CNOT3: variants seen among roughly 807,000 people sequenced by gnomAD.
CNOT3 encodes CCR4-associated factor 3.
A neutral mutation model predicts 89.4 loss-of-function variants in CNOT3; 2 were observed. The observed-to-expected ratio is 0.02, with a 90% CI of 0.01 to 0.07. The LOEUF is 0.07. CNOT3 is among the 10% of genes least tolerant of loss of function. The pLI, the probability that CNOT3 is intolerant of heterozygous loss-of-function variation, is 1.00. For missense variants in CNOT3, 664 were observed against 1,010.2 expected, an observed-to-expected ratio of 0.66 and a Z score of 4.65; for synonymous variants, 486 against 402.0, an observed-to-expected ratio of 1.21 and a Z score of -2.50.
rs1205685627 is a variant in CNOT3 at position 54,146,643 on chromosome 19, A to T, written c.880A>T (p.Ser294Cys). Residue 294 changes from serine (S) to cysteine (C), a missense_variant, in exon 10 of 18, where the codon AGT (serine) becomes TGT (cysteine). By Grantham distance (112) the Ser-to-Cys change is moderately radical. This residue lies in a region of CNOT3 where 545 missense variants were observed against 566.2 expected (regional missense o/e 0.96). Transcript: ENST00000221232. ...TAAGAAGAGGGGACGTTCCACAGAC[A>T]GTGAAGTCAGCCAGGTGGGTGTGAG... ...DDKKRGRSTDSEVSQSPAKNG... is the reference protein window; with the variant it reads ...DDKKRGRSTDCEVSQSPAKNG... 13 of 1,562,792 alleles carry T rather than the reference A, an allele frequency of 8.3e-6. No homozygotes were observed. The highest frequency in any genetic ancestry group is 1.8e-6 in the Non-Finnish European group (2 of 1,133,382).
At chr19:54,154,794 T>TC (rs2075324691) in intron 17 of CNOT3, 1 of 153,876 alleles carries the variant, frequency 6.5e-6, no homozygotes, top group South Asian at 2.0e-4. Flanking sequence ...CCCAAAACCA[T>TC]CCTCCAAGTT....
rs2074948725 is a variant in CNOT3, at chr19:54,149,706, C to G, written c.1553C>G (p.Ala518Gly). The change falls in exon 13 of 18, where the codon GCC becomes GGC. Residue 518 changes from alanine to glycine, a missense_variant. Ala to Gly is a moderately conservative substitution (Grantham distance 60). Coordinates refer to ENST00000221232, the MANE Select transcript of CNOT3 (RefSeq NM_014516.4). Reference protein sequence around the residue: ...PTPSFSDAKAAGALLNGPPQF... With the variant: ...PTPSFSDAKAGGALLNGPPQF... ...CCCAGCTTCAGTGATGCCAAGGCAG[C>G]CGGTGCCCTGCTCAATGGGCCTCCA... 6.2e-7 allele frequency: 1 copy of G among 1,613,860 alleles called. No individual in the cohort carries two copies. The highest frequency in any genetic ancestry group is 1.1e-5 in the South Asian group (1 of 91,036).
intron 13 of CNOT3, among the ~76,000 whole-genome samples, chr19:54,151,073 G>A (rs1207734974): frequency 6.6e-6 from 1 of 152,154 alleles, no homozygotes; most frequent in Non-Finnish European, 1.5e-5. Flanking sequence ...TTACAGGTGT[G>A]AGCCACCGTG....
In CNOT3 at chr19:54,155,393, C is replaced by A. The variant is rs747937784; in HGVS notation, c.2248C>A (p.Arg750=). 1 of 1,607,310 alleles carries A rather than the reference C, an allele frequency of 6.2e-7. No individual in the cohort carries two copies. Among genetic ancestry groups the A allele is most frequent in the South Asian group, 1.1e-5 (1 of 90,312 alleles). The stretch of plus-strand genomic sequence containing the variant: ...CTTTGAGTACCGCTACCTGGAGGAC[C>A]GGGACCTCCAGTGACACCGGCCCCT... ...FTFEYRYLED[R]DLQ The change falls in exon 18 of 18, where the codon CGG becomes AGG. Residue 750 remains arginine, a synonymous_variant. Transcript: ENST00000221232.
rs201172516 is a variant in CNOT3, at chr19:54,148,900, C to A, written c.1406+157C>A. Among the ~76,000 whole-genome samples the A allele has an allele frequency of 6.6e-6, 1 of 152,226 alleles. No homozygotes were observed. Among genetic ancestry groups the A allele is most frequent in the African/African-American group, 2.4e-5 (1 of 41,454 alleles). ...CCATCTCCCTCGGGTGTTACACCCC[C>A]ACTTCTTTCCAGCAAGGAAACTACA... is the stretch of plus-strand genomic sequence containing the variant. On this transcript the variant is annotated intron_variant, in intron 12 of 17. Transcript: ENST00000221232. The surrounding 1 kb of genome is among the most constrained non-coding windows in gnomAD (Gnocchi z 6.3).
chr19:54,152,121 C>T (rs2075149601), intron 13 of CNOT3, 105 bp from the exon 14 acceptor site: 2 of 1,236,046 alleles, frequency 1.6e-6, no homozygotes, highest in Non-Finnish European at 2.3e-6. Flanking sequence ...CGTTGGCCCT[C>T]CACGGCCCCC....
chr19:54,152,127 C>A, intron 13 of CNOT3, 99 bp from the exon 14 acceptor site: 2 of 1,303,662 alleles, frequency 1.5e-6, no homozygotes, highest in Non-Finnish European at 2.2e-6. Flanking sequence ...CCCTCCACGG[C>A]CCCCAAACAG....
Position 54,153,798 on chromosome 19 carries a change from G to A in CNOT3, c.2121G>A (p.Gln707=). Residue 707 remains glutamine, a synonymous_variant, in exon 17 of 18, where the codon CAG becomes CAA. Coordinates refer to ENST00000221232, the MANE Select transcript of CNOT3 (RefSeq NM_014516.4). ...RFHTKYMMWF[Q]RHEEPKTITD... is the part of the protein sequence containing the mutation. Reference sequence around the variant, plus strand: ...ACACCAAGTACATGATGTGGTTCCAGAGGCACGAGGAGCCCAAGACCATCA... The same window carrying A: ...ACACCAAGTACATGATGTGGTTCCAAAGGCACGAGGAGCCCAAGACCATCA... The A allele has an allele frequency of 1.2e-6, 2 of 1,614,204 alleles. No individual in the cohort carries two copies. The highest frequency in any genetic ancestry group is 2.2e-5 in the South Asian group (2 of 91,080).
At chr19:54,139,146 AGGGCGGCCACCCACCCCG>A (rs1455485601) in intron 1 of CNOT3, among the ~76,000 whole-genome samples, 3 of 152,112 alleles carry the variant, frequency 2.0e-5, no homozygotes, top group African/African-American at 7.2e-5. Context: ...CTCTCAGTGC[AGGGCGGCCACCCACCCCG>A]GGGTGAGCTC....
At position 54,148,779 on chromosome 19, in the gene CNOT3, A is replaced by C. The variant is rs1329320993; in HGVS notation, c.1406+36A>C. On this transcript the variant is annotated intron_variant, in intron 12 of 17. Coordinates refer to ENST00000221232, the MANE Select transcript of CNOT3 (RefSeq NM_014516.4). The surrounding 1 kb of genome is among the most constrained non-coding windows in gnomAD (Gnocchi z 6.3). ...CGGCCATCGGCAGGGTTGGGATGGC[A>C]GCCTTTTGAAACAGAGAGGCGCAGG... is the stretch of plus-strand genomic sequence containing the variant. 6.3e-7 allele frequency: 1 copy of C among 1,598,726 alleles called. No individual in the cohort carries two copies. The highest frequency in any genetic ancestry group is 1.3e-5 in the African/African-American group (1 of 74,562).
Position 54,152,437 on chromosome 19 carries a change from T to A in CNOT3, c.1715T>A (p.Leu572Gln). 6.2e-7 allele frequency: 1 copy of A among 1,614,146 alleles called. No homozygotes were observed. The highest frequency in any genetic ancestry group is 8.5e-7 in the Non-Finnish European group (1 of 1,180,002). Residue 572 changes from leucine (L) to glutamine (Q), a missense_variant, in exon 15 of 18, where the codon CTG becomes CAG. Coordinates refer to ENST00000221232, the MANE Select transcript of CNOT3 (RefSeq NM_014516.4). ...TLHLTERDII[L>Q]SSTSAPPASA... ...CCCACCCTCCCCACAGACATCATCCTGAGCAGTACATCAGCACCTCCGGCC... is the reference window on the plus strand; with the variant it reads ...CCCACCCTCCCCACAGACATCATCCAGAGCAGTACATCAGCACCTCCGGCC...
intron 5 of CNOT3, 62 bp downstream of exon 5, chr19:54,143,811 A>G (rs587704101): frequency 1.3e-6 from 2 of 1,560,060 alleles, no homozygotes; most frequent in Admixed American, 3.4e-5. Context: ...TGAGATCCCA[A>G]GGGGCGGAGG....
In CNOT3 at chr19:54,148,966, G is replaced by A. The variant is rs1243400262; in HGVS notation, c.1406+223G>A. Among the ~76,000 whole-genome samples the A allele has an allele frequency of 1.3e-5, 2 of 152,134 alleles. No individual in the cohort carries two copies. Among genetic ancestry groups the A allele is most frequent in the Non-Finnish European group, 2.9e-5 (2 of 68,024 alleles). ...TGCCCTTCAGAACATTCTAAAATAC[G>A]TTCTCATCTAAGTGGAAGTTTTCTC... On this transcript the variant is annotated intron_variant, in intron 12 of 17. Transcript: ENST00000221232. This position sits in a 1 kb window ranked among gnomAD's most constrained non-coding sequence, Gnocchi z 6.3.
chr19:54,148,558 G>C lies in CNOT3; in HGVS notation c.1282+23G>C, dbSNP rs1477425225. 5.1e-6 allele frequency: 8 copies of C among 1,575,646 alleles called. No individual in the cohort carries two copies. The highest frequency in any genetic ancestry group is 1.8e-5 in the Admixed American group (1 of 55,918). ...CCAGTGAGTGAGGAGGCAGCGGGGT[G>C]GGGGGCGTGGGCGGGGCTGGGCAGC... is the stretch of plus-strand genomic sequence containing the variant. On this transcript the variant is annotated intron_variant, in intron 11 of 17. Coordinates refer to ENST00000221232, the MANE Select transcript of CNOT3 (RefSeq NM_014516.4). This position sits in a 1 kb window ranked among gnomAD's most constrained non-coding sequence, Gnocchi z 6.3.
chr19:54,143,350 G>T (rs2074533891), intron 3 of CNOT3, 92 bp from the exon 4 acceptor site: 3 of 1,342,172 alleles, frequency 2.2e-6, no homozygotes, highest in Admixed American at 1.7e-5. Flanking sequence ...GTTGGGGGGG[G>T]TCCTCGAGTC....
rs1421895217 is a variant in CNOT3, at chr19:54,144,857, C to T, written c.483+525C>T. ...TGAGTTCAAAGGGATACAAACTGTA[C>T]AGACTTGCTGAAACCAGAAAGACAG... On this transcript the variant is annotated intron_variant, in intron 7 of 17. Transcript: ENST00000221232. The surrounding 1 kb of genome is among the most constrained non-coding windows in gnomAD (Gnocchi z 4.8). 6.6e-6 allele frequency among the ~76,000 whole-genome samples: 1 copy of T among 152,046 alleles called. No homozygotes were observed. The highest frequency in any genetic ancestry group is 1.5e-5 in the Non-Finnish European group (1 of 68,010).
At chr19:54,155,148 A>G in intron 17 of CNOT3, 161 bp from the exon 18 acceptor site, 2 of 719,788 alleles carry the variant, frequency 2.8e-6, no homozygotes, top group South Asian at 4.0e-5. Context: ...CCTACCCAAG[A>G]AGAACCTTGT....
At chr19:54,149,952 C>T (rs1342842544) in intron 13 of CNOT3, among the ~76,000 whole-genome samples, 194 bp downstream of exon 13, 1 of 152,112 alleles carries the variant, frequency 6.6e-6, no homozygotes, top group South Asian at 2.1e-4. Context: ...TGGGGGCTCT[C>T]ATACCTCCTC....
At position 54,140,258 on chromosome 19, in the gene CNOT3, C is replaced by T. The variant is rs2074393566; in HGVS notation, c.-51+2265C>T. Among the ~76,000 whole-genome samples, 4 of 152,138 alleles carry T rather than the reference C, an allele frequency of 2.6e-5. No individual in the cohort carries two copies. In the South Asian group the frequency reaches 6.2e-4, roughly 24 times the overall value. ...GTGTCCTGCTCACCTCCCCCCACCC[C>T]GCCACCCGCCTTGTGGGTCCCTTCC... On this transcript the variant is annotated intron_variant, in intron 1 of 17. Transcript: ENST00000221232.
Sources: gnomAD v4.1 joint callset for allele counts (sites outside exome capture counted in the v4.1 genomes callset) on GRCh38, gnomAD v4.1.1 for gene constraint, gnomAD v4.1.1 regional missense constraint, Gnocchi (gnomAD v3.1) non-coding constraint, MANE v1.5 for transcripts, NCBI Gene and HGNC (gene_info 2026-07-23, HGNC 2026-07-21) for gene names.